The following EFNA5 variants were observed in gnomAD, a reference collection of about 807,000 sequenced individuals.
The protein encoded by EFNA5 is ephrin A5.
EFNA5 carries 5 observed loss-of-function variants against 22.9 expected under a neutral mutation model. The ratio of observed to expected loss-of-function variants is 0.22; its 90% CI spans 0.11 to 0.46. EFNA5 has a LOEUF of 0.46. Among genes scored for constraint, EFNA5 ranks in the 20% least tolerant of loss-of-function variants. The probability of loss-of-function intolerance (pLI) is 0.99; values close to 1 mark genes in which losing one functional copy is unlikely to be tolerated. For missense variants in EFNA5, 237 were observed against 293.3 expected (o/e 0.81, Z 1.40); for synonymous variants, 113 against 112.2 (o/e 1.01, Z -0.04).
intron 2 of EFNA5, among the ~76,000 whole-genome samples, chr5:107,399,365 G>GA (rs1178223168): frequency 1.4e-5 from 2 of 144,554 alleles, no homozygotes; most frequent in Non-Finnish European, 3.1e-5. Flanking sequence ...GAAAGGAAAG[G>GA]AAGGAGGGAG....
intron 1 of EFNA5, among the ~76,000 whole-genome samples, chr5:107,639,592 G>A (rs1206151137): frequency 2.0e-5 from 3 of 152,138 alleles, no homozygotes; most frequent in Non-Finnish European, 2.9e-5. Context: ...TTATCTTAAG[G>A]CTATTGTGCA....
intron 1 of EFNA5, among the ~76,000 whole-genome samples, chr5:107,587,868 T>C (rs180791): frequency 0.82 from 124,590 of 152,076 alleles, 51,444 homozygotes; most frequent in Middle Eastern, 0.9. Flanking sequence ...CTGGGGTCAC[T>C]ACTCCCTTAT....
intron 1 of EFNA5, among the ~76,000 whole-genome samples, chr5:107,442,101 C>T (rs1749270989): frequency 6.6e-6 from 1 of 152,124 alleles, no homozygotes; most frequent in Non-Finnish European, 1.5e-5. Flanking sequence ...CTAGACACTA[C>T]TGATGTTCAC....
chr5:107,380,831 C>G lies in EFNA5; in HGVS notation c.*424G>C. ...AAGGCATAAATATTGCATAGGAGAG[C>G]AAAACCCTCCCAGCCCTAGCCAGCG... On this transcript the variant is annotated 3_prime_UTR_variant, in exon 5 of 5. Transcript: ENST00000333274. 2 of 408,866 alleles carry G rather than the reference C, an allele frequency of 4.9e-6. No homozygotes were observed. Among genetic ancestry groups the G allele is most frequent in the Non-Finnish European group, 8.6e-6 (2 of 231,410 alleles). The allele number at this position is 408,866 out of a possible 1,614,324, so 25.3% of individuals were successfully genotyped here. A position where few individuals can be genotyped will look rare whatever the true frequency, so the allele number is the denominator to read the frequency against.
intron 1 of EFNA5, among the ~76,000 whole-genome samples, chr5:107,449,776 G>A (rs7702989): frequency 0.016 from 2,423 of 152,254 alleles, 54 homozygotes; most frequent in African/African-American, 0.056. Context: ...TACTAAAAAT[G>A]ATAGAAAAGA....
intron 2 of EFNA5, among the ~76,000 whole-genome samples, chr5:107,421,601 C>A (rs1748667871): frequency 6.6e-6 from 1 of 152,094 alleles, no homozygotes; most frequent in Non-Finnish European, 1.5e-5. Context: ...GGAAAAAATG[C>A]AGAAATATGT....
intron 1 of EFNA5, among the ~76,000 whole-genome samples, chr5:107,622,730 T>G (rs998557353): frequency 6.6e-6 from 1 of 151,908 alleles, no homozygotes; most frequent in Non-Finnish European, 1.5e-5. Flanking sequence ...GTCTCAAAAG[T>G]TGAATACTCG....
intron 1 of EFNA5, among the ~76,000 whole-genome samples, chr5:107,457,602 A>T (rs966669050): frequency 1.3e-5 from 2 of 152,114 alleles, no homozygotes; most frequent in African/African-American, 4.8e-5. Context: ...TTTTCAATCC[A>T]AGGTTGGTTG....
intron 1 of EFNA5, among the ~76,000 whole-genome samples, chr5:107,475,761 G>A (rs971522342): frequency 5.3e-5 from 8 of 151,672 alleles, no homozygotes; most frequent in Non-Finnish European, 8.8e-5. Context: ...TATTTCTCAC[G>A]AGAACTACCC....
At chr5:107,450,067 G>A (rs1217367252) in intron 1 of EFNA5, among the ~76,000 whole-genome samples, 1 of 152,168 alleles carries the variant, frequency 6.6e-6, no homozygotes, top group Non-Finnish European at 1.5e-5. Flanking sequence ...GCAAACGATG[G>A]GTTATTTTTG....
chr5:107,538,355 A>T (rs1370061527), intron 1 of EFNA5, among the ~76,000 whole-genome samples: 1 of 152,208 alleles, frequency 6.6e-6, no homozygotes, highest in African/African-American at 2.4e-5. Context: ...CTGAGCCTCT[A>T]TTATGTGCAA....
chr5:107,615,282 T>C (rs1749889281), intron 1 of EFNA5, among the ~76,000 whole-genome samples: 1 of 152,176 alleles, frequency 6.6e-6, no homozygotes, highest in East Asian at 1.9e-4. Flanking sequence ...TTTTATCATT[T>C]CGATATCCCC....
At chr5:107,608,990 T>C (rs1205631888) in intron 1 of EFNA5, among the ~76,000 whole-genome samples, 3 of 152,244 alleles carry the variant, frequency 2.0e-5, no homozygotes, top group Admixed American at 2.0e-4. Context: ...AACTTCCTGG[T>C]TGCTCTCTTC....
chr5:107,550,443 T>A (rs75751403), intron 1 of EFNA5, among the ~76,000 whole-genome samples: 1 of 152,180 alleles, frequency 6.6e-6, no homozygotes, highest in East Asian at 1.9e-4. Context: ...TAGAGGAGAA[T>A]GATTATGCGC....
intron 1 of EFNA5, among the ~76,000 whole-genome samples, chr5:107,554,068 T>G (rs1748356164): frequency 6.6e-6 from 1 of 152,208 alleles, no homozygotes; most frequent in Admixed American, 6.5e-5. Context: ...TAGAATAATT[T>G]TATGATAAAA....
At chr5:107,451,405 A>G (rs574923518) in intron 1 of EFNA5, among the ~76,000 whole-genome samples, 1 of 152,350 alleles carries the variant, frequency 6.6e-6, no homozygotes. Flanking sequence ...AAAAATTAGA[A>G]TAAAAAATTT....
intron 1 of EFNA5, among the ~76,000 whole-genome samples, chr5:107,652,337 G>T (rs1180284584): frequency 6.6e-6 from 1 of 152,160 alleles, no homozygotes; most frequent in East Asian, 1.9e-4. Flanking sequence ...CATATCCATT[G>T]TTCAAGGTCT....
At chr5:107,617,233 C>CAGAGAGAGAGAG (rs1281823984) in intron 1 of EFNA5, among the ~76,000 whole-genome samples, 9 of 149,296 alleles carry the variant, frequency 6.0e-5, no homozygotes, top group African/African-American at 2.2e-4. Flanking sequence ...CACACACACA[C>CAGAGAGAGAGAG]ACACAGAGAG....
At chr5:107,566,903 T>C (rs1748676987) in intron 1 of EFNA5, among the ~76,000 whole-genome samples, 1 of 152,242 alleles carries the variant, frequency 6.6e-6, no homozygotes, top group Non-Finnish European at 1.5e-5. Flanking sequence ...CCTTAATTAA[T>C]CTTGACTAAT....
Sources: allele counts gnomAD v4.1 joint callset (sites outside exome capture counted in the v4.1 genomes callset), GRCh38; gene constraint gnomAD v4.1.1; transcripts MANE v1.5; gene names NCBI Gene and HGNC (gene_info 2026-07-23, HGNC 2026-07-21).